Variants in STX12 observed in about 807,000 individuals in gnomAD.
STX12 encodes the protein syntaxin-12.
Under a neutral mutation model 42.2 loss-of-function variants are expected in STX12, and 17 were observed. That is an observed-to-expected ratio of 0.40 (90% CI 0.28 to 0.60). The LOEUF is 0.60. Among genes scored for constraint, STX12 ranks in the 20% least tolerant of loss-of-function variants. The pLI, the probability that STX12 is intolerant of heterozygous loss-of-function variation, is 0.39. For missense variants in STX12, 297 were observed against 330.9 expected, an observed-to-expected ratio of 0.90 and a Z score of 0.79; for synonymous variants, 108 against 116.7, an observed-to-expected ratio of 0.93 and a Z score of 0.48.
intron 2 of STX12, among the ~76,000 whole-genome samples, chr1:27,791,988 A>T (rs2088744313): frequency 6.9e-6 from 1 of 145,596 alleles, no homozygotes; most frequent in African/African-American, 2.5e-5. Flanking sequence ...ATCTCAAAAA[A>T]TATATATATA....
At chr1:27,789,447 G>A in intron 1 of STX12, 115 bp from the exon 2 acceptor site, 2 of 668,646 alleles carry the variant, frequency 3.0e-6, no homozygotes, top group South Asian at 3.8e-5. Flanking sequence ...GTCTCTATTA[G>A]TTGCATGTAT....
intron 3 of STX12, among the ~76,000 whole-genome samples, chr1:27,796,397 G>T (rs1460767133): frequency 1.3e-5 from 2 of 151,980 alleles, no homozygotes; most frequent in Non-Finnish European, 2.9e-5. Context: ...TCGTTTGTTT[G>T]AGACAGGGTC....
chr1:27,785,220 A>G (rs542911788), intron 1 of STX12, among the ~76,000 whole-genome samples: 7 of 152,228 alleles, frequency 4.6e-5, no homozygotes, highest in Non-Finnish European at 7.3e-5. Flanking sequence ...ACATGTTATC[A>G]TATATTCAAC....
intron 1 of STX12, among the ~76,000 whole-genome samples, chr1:27,781,072 C>A (rs886260138): frequency 6.6e-6 from 1 of 152,098 alleles, no homozygotes; most frequent in Non-Finnish European, 1.5e-5. Context: ...GAGATGGAGT[C>A]TTGCTCTGTC....
At position 27,801,412 on chromosome 1, in the gene STX12, G is replaced by GA. The variant is rs200781500; in HGVS notation, c.289-253dup. 9.6e-3 allele frequency among the ~76,000 whole-genome samples: 1,030 copies of GA among 107,592 alleles called. 12 individuals carry two copies. Among genetic ancestry groups the GA allele is most frequent in the African/African-American group, 0.03 (883 of 29,338 alleles). 70.6% of individuals were successfully genotyped at this position (107,592 alleles called of 152,430 possible). A position where few individuals can be genotyped will look rare whatever the true frequency, so the allele number is the denominator to read the frequency against. On this transcript the variant is annotated intron_variant, in intron 3 of 8. Transcript: ENST00000373943. ...GAGCAAGACTCCGTCTCAATAAAAA[G>GA]AAAAAAAAAAAAAGAAGAAGAAGTT... is the stretch of plus-strand genomic sequence containing the variant.
chr1:27,809,523 C>T (rs994427265), intron 4 of STX12, among the ~76,000 whole-genome samples: 2 of 145,146 alleles, frequency 1.4e-5, no homozygotes, highest in Admixed American at 1.4e-4. Context: ...TGCAGTGGCG[C>T]AATCTCAGCT....
At chr1:27,801,496 A>G (rs977829699) in intron 3 of STX12, among the ~76,000 whole-genome samples, 182 bp from the exon 4 acceptor site, 15 of 152,178 alleles carry the variant, frequency 9.9e-5, no homozygotes, top group Admixed American at 2.0e-4. Context: ...GACTTGGTCT[A>G]TAGTATTAAC....
At chr1:27,819,110 T>A (rs1366527289) in intron 7 of STX12, among the ~76,000 whole-genome samples, 5 of 151,404 alleles carry the variant, frequency 3.3e-5, no homozygotes, top group African/African-American at 1.2e-4. Flanking sequence ...ACCCTGTCTT[T>A]ACCAAAAAAT....
chr1:27,802,513 C>A (rs368440687), intron 4 of STX12, among the ~76,000 whole-genome samples: 1 of 152,264 alleles, frequency 6.6e-6, no homozygotes, highest in East Asian at 1.9e-4. Context: ...AGGAGGAGGG[C>A]AGGAGGGAGG....
intron 1 of STX12, among the ~76,000 whole-genome samples, chr1:27,777,748 G>C (rs1012288359): frequency 1.3e-5 from 2 of 151,932 alleles, no homozygotes; most frequent in Non-Finnish European, 2.9e-5. Context: ...TTAGCCAGGC[G>C]TGATGGTGCA....
chr1:27,791,741 G>A (rs952095630), intron 2 of STX12, among the ~76,000 whole-genome samples: 1 of 152,060 alleles, frequency 6.6e-6, no homozygotes, highest in African/African-American at 2.4e-5. Context: ...CTTGAACCTG[G>A]GAGGCGGAGG....
intron 1 of STX12, among the ~76,000 whole-genome samples, chr1:27,774,726 C>G (rs1436447890): frequency 2.0e-5 from 3 of 152,104 alleles, no homozygotes; most frequent in Non-Finnish European, 4.4e-5. Flanking sequence ...GTCACCCAGG[C>G]AGAATGCAGT....
intron 3 of STX12, among the ~76,000 whole-genome samples, chr1:27,795,921 T>A (rs1301589182): frequency 6.6e-6 from 1 of 152,188 alleles, no homozygotes; most frequent in African/African-American, 2.4e-5. Flanking sequence ...GAATACACAC[T>A]TGTAGACAGT....
intron 6 of STX12, among the ~76,000 whole-genome samples, chr1:27,813,894 T>G (rs765074259): frequency 2.6e-5 from 4 of 152,052 alleles, no homozygotes; most frequent in Non-Finnish European, 5.9e-5. Context: ...AATGTCTGTT[T>G]TTATCTATTT....
intron 4 of STX12, among the ~76,000 whole-genome samples, chr1:27,809,297 T>TGCA (rs199548074): frequency 1 from 149,901 of 149,904 alleles, 74,949 homozygotes; most frequent in Middle Eastern, 1. Flanking sequence ...ATCGTGCCAC[T>TGCA]CGATCCAGCC....
At chr1:27,789,289 A>C (rs1055798752) in intron 1 of STX12, among the ~76,000 whole-genome samples, 3 of 152,270 alleles carry the variant, frequency 2.0e-5, no homozygotes, top group South Asian at 2.1e-4. Context: ...AACCATTGCA[A>C]TAGGAGATCT....
intron 3 of STX12, among the ~76,000 whole-genome samples, chr1:27,796,537 A>C (rs953279011): frequency 3.3e-5 from 5 of 152,050 alleles, no homozygotes; most frequent in Non-Finnish European, 7.4e-5. Context: ...GACCACAGGC[A>C]TGTGCCACCA....
intron 2 of STX12, among the ~76,000 whole-genome samples, chr1:27,791,402 G>C (rs2088740134): frequency 6.6e-6 from 1 of 152,218 alleles, no homozygotes; most frequent in Middle Eastern, 3.2e-3. Context: ...TATGTAATCA[G>C]AATGGCCCAA....
In STX12 at chr1:27,823,106, CAT is replaced by C. The variant is rs1443106897; in HGVS notation, c.*779_*780del. 1 of 152,206 alleles carries C rather than the reference CAT, an allele frequency of 6.6e-6. No individual in the cohort carries two copies. Among genetic ancestry groups the C allele is most frequent in the Non-Finnish European group, 1.5e-5 (1 of 68,026 alleles). 9.4% of individuals were successfully genotyped at this position (152,206 alleles called of 1,614,324 possible). ...GTCTGCATAGAAAGGCAGAATTAGACATAGCATGCTTTGGAAAAGCAAATAGG... is the reference window on the plus strand; with the variant it reads ...GTCTGCATAGAAAGGCAGAATTAGACAGCATGCTTTGGAAAAGCAAATAGG... On this transcript the variant is annotated 3_prime_UTR_variant, in exon 9 of 9. Coordinates refer to ENST00000373943, the MANE Select transcript of STX12 (RefSeq NM_177424.3).
Sources: allele counts gnomAD v4.1 joint callset (sites outside exome capture counted in the v4.1 genomes callset), GRCh38; gene constraint gnomAD v4.1.1; transcripts MANE v1.5; gene names NCBI Gene and HGNC (gene_info 2026-07-23, HGNC 2026-07-21).